Variants in BAHCC1 observed in about 807,000 individuals in gnomAD.
BAHCC1 encodes the protein BAH and coiled-coil domain-containing protein 1.
Under a neutral mutation model 88.2 loss-of-function variants are expected in BAHCC1, and 43 were observed. The ratio of observed to expected loss-of-function variants is 0.49; its 90% CI spans 0.38 to 0.63. The LOEUF (loss-of-function observed/expected upper bound fraction) is 0.63, where lower values mean the gene tolerates loss of function less well. Ranked by LOEUF, BAHCC1 falls within the 20% of genes least tolerant of loss-of-function variation. BAHCC1 has a pLI of 0.00. For missense variants in BAHCC1, 3,023 were observed against 1,654.8 expected (o/e 1.83, Z -14.34); for synonymous variants, 1,510 against 745.5 (o/e 2.03, Z -16.71).
Position 81,399,591 on chromosome 17 carries a change from A to G in BAHCC1, c.-149A>G. Reference sequence around the variant, plus strand: ...TGCGCGGCCGCCCGCCGAGAAGCCCAGTCCTCCCGCGTGCTGACCGGCCCC... The same window carrying G: ...TGCGCGGCCGCCCGCCGAGAAGCCCGGTCCTCCCGCGTGCTGACCGGCCCC... On this transcript the variant is annotated 5_prime_UTR_variant, in exon 2 of 28. Transcript: ENST00000675386. This position sits in a 1 kb window ranked among gnomAD's most constrained non-coding sequence, Gnocchi z 4.5. The G allele has an allele frequency of 2.1e-6, 1 of 478,820 alleles. No homozygotes were observed. Among genetic ancestry groups the G allele is most frequent in the Non-Finnish European group, 3.5e-6 (1 of 283,850 alleles). 29.7% of individuals were successfully genotyped at this position (478,820 alleles called of 1,614,324 possible).
In BAHCC1 at chr17:81,455,128, C is replaced by T. The variant is rs554816898; in HGVS notation, c.4446-139C>T. The T allele has an allele frequency of 9.6e-6, 6 of 622,382 alleles. No homozygotes were observed. The African/African-American group carries it at 1.1e-4, about 11-fold the overall frequency. 38.6% of individuals were successfully genotyped at this position (622,382 alleles called of 1,614,324 possible). A position where few individuals can be genotyped will look rare whatever the true frequency, so the allele number is the denominator to read the frequency against. ...TGGCTCGGCCCCCGGGGCCCCTCAC[C>T]CCCTGCTCTGTCTGCCCGAGACGTG... On this transcript the variant is annotated intron_variant, in intron 14 of 27. Transcript: ENST00000675386.
chr17:81,400,479 C>T lies in BAHCC1; in HGVS notation c.178+562C>T, dbSNP rs138587789. 4.1e-3 allele frequency among the ~76,000 whole-genome samples: 622 copies of T among 152,310 alleles called. 7 individuals are homozygous for T. The highest frequency in any genetic ancestry group is 0.014 in the African/African-American group (578 of 41,572). ...GGGCGAGAATGGGTTTGCAGGGATG[C>T]ATTTGCCTTAACGAGTGCCTCTGGT... On this transcript the variant is annotated intron_variant, in intron 2 of 27. Transcript: ENST00000675386.
chr17:81,461,945 C>T lies in BAHCC1; in HGVS notation c.7282C>T (p.Leu2428Phe). The T allele has an allele frequency of 1.3e-6, 1 of 765,842 alleles. No individual in the cohort carries two copies. Among genetic ancestry groups the T allele is most frequent in the East Asian group, 2.5e-5 (1 of 40,440 alleles). The allele number at this position is 765,842 out of a possible 1,614,324, so 47.4% of individuals were successfully genotyped here. A position where few individuals can be genotyped will look rare whatever the true frequency, so the allele number is the denominator to read the frequency against. ...CCTGAGCTTCTCCAAAGCCAAAGAGCTCTCCCGGAGGCAGCGGCCGCCCTC... is the reference window on the plus strand; with the variant it reads ...CCTGAGCTTCTCCAAAGCCAAAGAGTTCTCCCGGAGGCAGCGGCCGCCCTC... ...EALSFSKAKE[L>F]SRRQRPPSVE... Residue 2428 changes from leucine to phenylalanine, a missense_variant, in exon 26 of 28, where the codon CTC becomes TTC. Physicochemically the swap from Leu to Phe is conservative, Grantham distance 22. Transcript: ENST00000675386.
chr17:81,453,993 T>G (rs1404327679), intron 14 of BAHCC1, among the ~76,000 whole-genome samples: 1 of 152,212 alleles, frequency 6.6e-6, no homozygotes, highest in Non-Finnish European at 1.5e-5. Flanking sequence ...GAAAGGGACA[T>G]CCGGCCACGC....
Position 81,447,668 on chromosome 17 carries a change from G to C in BAHCC1, c.3796G>C (p.Ala1266Pro). 1 of 739,154 alleles carries C rather than the reference G, an allele frequency of 1.4e-6. No homozygotes were observed. The allele number at this position is 739,154 out of a possible 1,614,324, so 45.8% of individuals were successfully genotyped here. Reference sequence around the variant, plus strand: ...ACCAGGCCTGGATGCCTTGGTGGCCGCCACCATCAACCTGGGGGACCTGCC... The same window carrying C: ...ACCAGGCCTGGATGCCTTGGTGGCCCCCACCATCAACCTGGGGGACCTGCC... ...ALPGLDALVA[A>P]TINLGDLPSD... The change falls in exon 11 of 28, where the codon GCC becomes CCC. Residue 1266 changes from alanine (A) to proline (P), a missense_variant. Physicochemically the swap from Ala to Pro is conservative, Grantham distance 27 (BLOSUM62 -1). Coordinates refer to ENST00000675386, the MANE Select transcript of BAHCC1 (RefSeq NM_001377448.1).
In BAHCC1 at chr17:81,461,990, A is replaced by C; in HGVS notation, c.7327A>C (p.Ile2443Leu). Residue 2443 changes from isoleucine (I) to leucine (L), a missense_variant, in exon 26 of 28, where the codon ATC becomes CTC. Ile to Leu is a conservative substitution (Grantham distance 5, BLOSUM62 2). Transcript: ENST00000675386. Reference protein sequence around the residue: ...RPPSVENRPKISAFLPARQLW... With the variant: ...RPPSVENRPKLSAFLPARQLW... ...GCCCTCCGTGGAAAACCGGCCAAAG[A>C]TCTCAGCCTTCCTGCCCGCCCGGCA... 1 of 777,754 alleles carries C rather than the reference A, an allele frequency of 1.3e-6. No homozygotes were observed. Among genetic ancestry groups the C allele is most frequent in the Non-Finnish European group, 2.4e-6 (1 of 417,276 alleles). 48.2% of individuals were successfully genotyped at this position (777,754 alleles called of 1,614,324 possible).
intron 3 of BAHCC1, among the ~76,000 whole-genome samples, chr17:81,436,104 C>T (rs932929148): frequency 2.0e-5 from 3 of 152,038 alleles, no homozygotes; most frequent in African/African-American, 7.2e-5. Flanking sequence ...GCTCCCCGCC[C>T]CTCCATCCCA....
rs1174856139 is a variant in BAHCC1 at position 81,432,060 on chromosome 17, G to A, written c.358+5081G>A. 2.6e-5 allele frequency among the ~76,000 whole-genome samples: 4 copies of A among 152,284 alleles called. No homozygotes were observed. In the East Asian group the frequency reaches 7.7e-4, roughly 29 times the overall value. On this transcript the variant is annotated intron_variant, in intron 3 of 27. Transcript: ENST00000675386. ...AGCTGTCTTAGCTTCGAGTTCATAT[G>A]CCCAGCCTCAGTTTCTCTATCTGCC...
In BAHCC1 at chr17:81,442,771, A is replaced by T. The variant is rs2064446476; in HGVS notation, c.1422A>T (p.Ala474=). The T allele has an allele frequency of 3.8e-6, 3 of 779,460 alleles. No individual in the cohort carries two copies. In the East Asian group the frequency reaches 7.3e-5, roughly 19 times the overall value. The allele number at this position is 779,460 out of a possible 1,614,324, so 48.3% of individuals were successfully genotyped here. The change falls in exon 5 of 28, where the codon GCA becomes GCT. Residue 474 remains alanine (A), a synonymous_variant. Coordinates refer to ENST00000675386, the MANE Select transcript of BAHCC1 (RefSeq NM_001377448.1). ...AGGGCCTCGACTATCTCAGCAGCGC[A>T]GGCCCCGAGGCCTCCTTCCCCGGAC... ...RLKGLDYLSS[A]GPEASFPGLP...
intron 3 of BAHCC1, among the ~76,000 whole-genome samples, chr17:81,429,210 G>C (rs1255057520): frequency 2.0e-5 from 3 of 152,228 alleles, no homozygotes; most frequent in East Asian, 3.9e-4. Context: ...CGTGGCCTCT[G>C]AGCCGCCCGC....
At position 81,435,757 on chromosome 17, in the gene BAHCC1, C is replaced by A. The variant is rs2064326762; in HGVS notation, c.359-2613C>A. 6.6e-6 allele frequency among the ~76,000 whole-genome samples: 1 copy of A among 151,766 alleles called. No homozygotes were observed. The highest frequency in any genetic ancestry group is 1.5e-5 in the Non-Finnish European group (1 of 67,888). ...CACCACCCCCACTCCTCAGTGGCAA[C>A]CCCTTCCAGGATGCCTGTGTGTCCC... On this transcript the variant is annotated intron_variant, in intron 3 of 27. Coordinates refer to ENST00000675386, the MANE Select transcript of BAHCC1 (RefSeq NM_001377448.1). The surrounding 1 kb of genome is among the most constrained non-coding windows in gnomAD (Gnocchi z 4.4).
In BAHCC1 at chr17:81,447,548, G is replaced by A. The variant is rs782457717; in HGVS notation, c.3676G>A (p.Glu1226Lys). The change falls in exon 11 of 28, where the codon GAG (glutamate) becomes AAG (lysine). Residue 1226 changes from glutamate to lysine, a missense_variant. Physicochemically the swap from Glu to Lys is moderately conservative, Grantham distance 56 (BLOSUM62 1). Transcript: ENST00000675386. ...EGEQPAPEED[E>K]LEEDELGQQS... ...GGAGCAGCCGGCCCCTGAGGAGGAC[G>A]AGCTGGAGGAAGACGAGCTGGGGCA... 11 of 757,450 alleles carry A rather than the reference G, an allele frequency of 1.5e-5. No homozygotes were observed. Among genetic ancestry groups the A allele is most frequent in the South Asian group, 2.8e-5 (2 of 71,084 alleles). The allele number at this position is 757,450 out of a possible 1,614,324, so 46.9% of individuals were successfully genotyped here. A position where few individuals can be genotyped will look rare whatever the true frequency, so the allele number is the denominator to read the frequency against.
rs2143659676 is a variant in BAHCC1, at chr17:81,461,156, T to C, written c.6493T>C (p.Tyr2165His). ...ADSFSSLASS[Y>H]APFVGGTGPG... ...CTCCTTCAGCAGCCTGGCCAGCTCCTACGCGCCCTTCGTCGGGGGGACCGG... is the reference window on the plus strand; with the variant it reads ...CTCCTTCAGCAGCCTGGCCAGCTCCCACGCGCCCTTCGTCGGGGGGACCGG... Residue 2165 changes from tyrosine to histidine, a missense_variant, in exon 26 of 28, where the codon TAC (tyrosine) becomes CAC (histidine). Physicochemically the swap from Tyr to His is moderately conservative, Grantham distance 83. Transcript: ENST00000675386. 1.3e-6 allele frequency: 1 copy of C among 759,348 alleles called. No individual in the cohort carries two copies. Among genetic ancestry groups the C allele is most frequent in the East Asian group, 2.5e-5 (1 of 40,650 alleles). 47.0% of individuals were successfully genotyped at this position (759,348 alleles called of 1,614,324 possible).
intron 2 of BAHCC1, among the ~76,000 whole-genome samples, chr17:81,420,786 G>T (rs921075870): frequency 5.3e-5 from 8 of 152,250 alleles, no homozygotes; most frequent in Admixed American, 2.6e-4. Flanking sequence ...ACCGCATCCC[G>T]CTTACTGTCC....
chr17:81,395,760 A>G (rs1403642013), intron 1 of BAHCC1, 125 bp downstream of exon 1: 2 of 151,338 alleles, frequency 1.3e-5, no homozygotes, highest in Non-Finnish European at 2.9e-5. Context: ...TGTGATGTTA[A>G]GAAGTATATA....
intron 2 of BAHCC1, among the ~76,000 whole-genome samples, chr17:81,426,245 TTGG>T (rs2064196468): frequency 2.1e-5 from 3 of 143,686 alleles, no homozygotes; most frequent in Non-Finnish European, 4.6e-5. Flanking sequence ...GGTGATGTGG[TTGG>T]TGGTAATAGT....
In BAHCC1 at chr17:81,409,751, G is replaced by A. The variant is rs114957809; in HGVS notation, c.178+9834G>A. On this transcript the variant is annotated intron_variant, in intron 2 of 27. Transcript: ENST00000675386. ...GTGAATCAGCTGCCTCACCCTCTGC[G>A]ACGTCTCCATCCACAGGCCGGCCCT... 2.6e-3 allele frequency among the ~76,000 whole-genome samples: 398 copies of A among 152,284 alleles called. 2 individuals carry two copies. The highest frequency in any genetic ancestry group is 9.3e-3 in the African/African-American group (385 of 41,552).
chr17:81,411,892 G>A lies in BAHCC1; in HGVS notation c.178+11975G>A, dbSNP rs1366316747. Among the ~76,000 whole-genome samples, 1 of 152,102 alleles carries A rather than the reference G, an allele frequency of 6.6e-6. No individual in the cohort carries two copies. Among genetic ancestry groups the A allele is most frequent in the Non-Finnish European group, 1.5e-5 (1 of 68,006 alleles). On this transcript the variant is annotated intron_variant, in intron 2 of 27. Transcript: ENST00000675386. This position sits in a 1 kb window ranked among gnomAD's most constrained non-coding sequence, Gnocchi z 6.2. ...TGGTCACTCTTCCCTCCAGCTCAGC[G>A]CTTACCATCGTATCCCTGCATCCGA...
intron 2 of BAHCC1, among the ~76,000 whole-genome samples, chr17:81,418,797 G>GCGCGCA (rs1491567301): frequency 5.3e-5 from 1 of 19,026 alleles, no homozygotes; most frequent in African/African-American, 8.0e-5. Flanking sequence ...ACGTGTGTGC[G>GCGCGCA]TGTGTGTGTG....
Sources: gnomAD v4.1 joint callset for allele counts (sites outside exome capture counted in the v4.1 genomes callset) on GRCh38, gnomAD v4.1.1 for gene constraint, Gnocchi (gnomAD v3.1) non-coding constraint, MANE v1.5 for transcripts, NCBI Gene and HGNC (gene_info 2026-07-23, HGNC 2026-07-21) for gene names.